SGCD: variants seen among roughly 807,000 people sequenced by gnomAD.
SGCD encodes delta-sarcoglycan.
Under a neutral mutation model 36.6 loss-of-function variants are expected in SGCD, and 18 were observed. The ratio of observed to expected loss-of-function variants is 0.49; its 90% CI spans 0.34 to 0.73. The LOEUF (loss-of-function observed/expected upper bound fraction) is 0.73, where lower values mean the gene tolerates loss of function less well. Among genes scored for constraint, SGCD ranks in the 30% least tolerant of loss-of-function variants. The pLI is 0.01. For missense variants in SGCD, 387 were observed against 346.7 expected, an observed-to-expected ratio of 1.12 and a Z score of -0.92; for synonymous variants, 133 against 130.6, an observed-to-expected ratio of 1.02 and a Z score of -0.12.
intron 3 of SGCD, among the ~76,000 whole-genome samples, chr5:156,370,272 A>T (rs1770313539): frequency 6.6e-6 from 1 of 152,180 alleles, no homozygotes. Flanking sequence ...CCAAGAAGGC[A>T]GGGGTGTGGG....
At chr5:156,029,130 A>G (rs537608736) in intron 1 of SGCD, among the ~76,000 whole-genome samples, 9 of 152,142 alleles carry the variant, frequency 5.9e-5, no homozygotes, top group South Asian at 4.1e-4. Context: ...GTTCTGCATG[A>G]GTAGTGTCTG....
At chr5:156,603,240 A>G (rs753967372) in intron 6 of SGCD, among the ~76,000 whole-genome samples, 3 of 152,104 alleles carry the variant, frequency 2.0e-5, no homozygotes, top group Admixed American at 6.5e-5. Context: ...AGATATTCAT[A>G]TAGATACATA....
In SGCD at chr5:155,885,020, G is replaced by A. The variant is rs1367558101; in HGVS notation, c.-282+14596G>A. On this transcript the variant is annotated intron_variant, in intron 1 of 9. Coordinates refer to the SGCD transcript ENST00000517913. ...CTTTGTTTCTATTCTTCTCTTCATAGCATTTAGCATAAATGTATTTCATGA... is the reference window on the plus strand; with the variant it reads ...CTTTGTTTCTATTCTTCTCTTCATAACATTTAGCATAAATGTATTTCATGA... 1.7e-5 allele frequency among the ~76,000 whole-genome samples: 2 copies of A among 116,858 alleles called. 1 individual carries two copies. The highest frequency in any genetic ancestry group is 3.3e-5 in the Non-Finnish European group (2 of 60,828). The allele number at this position is 116,858 out of a possible 152,430, so 76.7% of individuals were successfully genotyped here.
chr5:156,521,154 A>G (rs1757387125), intron 4 of SGCD, among the ~76,000 whole-genome samples: 1 of 152,198 alleles, frequency 6.6e-6, no homozygotes, highest in Admixed American at 6.5e-5. Context: ...AGCCATATGC[A>G]GAAAATTGAA....
intron 3 of SGCD, among the ~76,000 whole-genome samples, chr5:156,185,509 T>C (rs145658172): frequency 0.013 from 1,943 of 152,160 alleles, 24 homozygotes; most frequent in African/African-American, 0.033. Flanking sequence ...CCACCGCGCC[T>C]GGCCTCTTTT....
intron 1 of SGCD, among the ~76,000 whole-genome samples, chr5:156,047,975 C>T (rs1174040760): frequency 6.6e-6 from 1 of 152,064 alleles, no homozygotes; most frequent in African/African-American, 2.4e-5. Context: ...TTCCCCCATC[C>T]CCTCACCCCA....
At chr5:156,399,457 A>G (rs1772030000) in intron 3 of SGCD, among the ~76,000 whole-genome samples, 1 of 152,190 alleles carries the variant, frequency 6.6e-6, no homozygotes, top group Non-Finnish European at 1.5e-5. Context: ...CTAAGAGAAA[A>G]TAGTTCTGTC....
At chr5:156,368,320 T>C (rs1256196850) in intron 3 of SGCD, among the ~76,000 whole-genome samples, 1 of 152,116 alleles carries the variant, frequency 6.6e-6, no homozygotes, top group Admixed American at 6.6e-5. Flanking sequence ...CTTGAACTCC[T>C]GACTACATGA....
chr5:155,761,743 C>T, the SGCD span, among the ~76,000 whole-genome samples: 1 of 150,744 alleles, frequency 6.6e-6, no homozygotes, highest in African/African-American at 2.4e-5. Flanking sequence ...CCCTTTCCAT[C>T]ACCTTCATCA....
At chr5:156,087,511 G>A (rs1761128647) in intron 1 of SGCD, among the ~76,000 whole-genome samples, 1 of 152,078 alleles carries the variant, frequency 6.6e-6, no homozygotes, top group East Asian at 1.9e-4. Context: ...ATGGTGGCAT[G>A]TGCCTGTAGT....
At chr5:155,761,686 TCCTCTCCATCAC>T in the SGCD span, among the ~76,000 whole-genome samples, 2 of 143,132 alleles carry the variant, frequency 1.4e-5, no homozygotes, top group African/African-American at 5.3e-5. Flanking sequence ...ATCTCCATCA[TCCTCTCCATCAC>T]CCTCTCCATC....
chr5:156,413,048 C>T (rs1159663760), intron 3 of SGCD, among the ~76,000 whole-genome samples: 3 of 151,934 alleles, frequency 2.0e-5, no homozygotes, highest in Admixed American at 6.5e-5. Context: ...CCACCTGCCT[C>T]GGCCTCCCAA....
chr5:155,756,819 A>C, the SGCD span, among the ~76,000 whole-genome samples: 1 of 152,210 alleles, frequency 6.6e-6, no homozygotes. Context: ...TGAGTCTGAA[A>C]GCTCACATTG....
chr5:155,863,107 A>G, the SGCD span, among the ~76,000 whole-genome samples: 1 of 152,188 alleles, frequency 6.6e-6, no homozygotes, highest in Non-Finnish European at 1.5e-5. Context: ...CTGTGGCTTC[A>G]CTGAAGGCAG....
the SGCD span, among the ~76,000 whole-genome samples, chr5:155,772,987 A>G: frequency 6.6e-6 from 1 of 152,130 alleles, no homozygotes; most frequent in Non-Finnish European, 1.5e-5. Context: ...TAGTACTACT[A>G]CTTACGAAGT....
At chr5:156,224,538 T>C (rs1348329239) in intron 3 of SGCD, among the ~76,000 whole-genome samples, 1 of 152,134 alleles carries the variant, frequency 6.6e-6, no homozygotes, top group Non-Finnish European at 1.5e-5. Context: ...TTTGTACCAA[T>C]TGGCTGCATT....
intron 3 of SGCD, among the ~76,000 whole-genome samples, chr5:156,373,536 T>C (rs77815104): frequency 0.014 from 2,137 of 152,336 alleles, 23 homozygotes; most frequent in Non-Finnish European, 0.023. Flanking sequence ...GATTCTTTCC[T>C]TCTCTGTGAA....
chr5:156,485,566 A>G (rs2174419), intron 3 of SGCD, among the ~76,000 whole-genome samples: 114,974 of 151,986 alleles, frequency 0.76, 43,718 homozygotes, highest in South Asian at 0.83. Flanking sequence ...GGAAGGCCGA[A>G]GCTGGAGAGT....
intron 3 of SGCD, among the ~76,000 whole-genome samples, chr5:156,167,944 G>A (rs1763252175): frequency 1.3e-5 from 2 of 152,288 alleles, no homozygotes; most frequent in South Asian, 4.1e-4. Flanking sequence ...GAGGCAATAA[G>A]GTGGAGCATT....
Sources: gnomAD v4.1 joint callset for allele counts (sites outside exome capture counted in the v4.1 genomes callset) on GRCh38, gnomAD v4.1.1 for gene constraint, MANE v1.5 for transcripts, NCBI Gene and HGNC (gene_info 2026-07-23, HGNC 2026-07-21) for gene names.